Variants in SGCZ observed in about 807,000 individuals in gnomAD.
SGCZ encodes the protein zeta-sarcoglycan.
A neutral mutation model predicts 41.3 loss-of-function variants in SGCZ; 40 were observed. That is an observed-to-expected ratio of 0.97 (90% CI 0.75 to 1.26). SGCZ has a LOEUF of 1.26. Ranked by LOEUF, SGCZ falls within the 50% of genes most tolerant of loss-of-function variation. The pLI is 0.00. For missense variants in SGCZ, 552 were observed against 369.8 expected, an observed-to-expected ratio of 1.49 and a Z score of -4.04; for synonymous variants, 206 against 137.5, an observed-to-expected ratio of 1.50 and a Z score of -3.49.
At position 14,260,524 on chromosome 8, in the gene SGCZ, TG is replaced by T. The variant is rs541612842; in HGVS notation, c.337-22846del. 4.1e-3 allele frequency among the ~76,000 whole-genome samples: 598 copies of T among 147,308 alleles called. 3 individuals carry two copies. Among genetic ancestry groups the T allele is most frequent in the Non-Finnish European group, 6.3e-3 (421 of 66,694 alleles). On this transcript the variant is annotated intron_variant, in intron 3 of 7. Coordinates refer to ENST00000382080, the MANE Select transcript of SGCZ (RefSeq NM_139167.4). ...GGACTGTAAACTAGTTCAACCATTG[TG>T]GAAGTCAGTGTGGCGATTCCTCAGG...
chr8:14,447,060 T>G (rs774467743), intron 2 of SGCZ, among the ~76,000 whole-genome samples: 4 of 152,150 alleles, frequency 2.6e-5, no homozygotes, highest in Non-Finnish European at 4.4e-5. Flanking sequence ...AATACCACAT[T>G]TTCCAGAAAA....
At chr8:14,594,332 C>G (rs987536476) in intron 1 of SGCZ, among the ~76,000 whole-genome samples, 47 of 151,734 alleles carry the variant, frequency 3.1e-4, no homozygotes, top group Non-Finnish European at 5.4e-4. Context: ...TGCTACTGGT[C>G]CAGGTACCTA....
chr8:14,745,673 G>T (rs949161577), intron 1 of SGCZ, among the ~76,000 whole-genome samples: 1 of 151,608 alleles, frequency 6.6e-6, no homozygotes, highest in African/African-American at 2.4e-5. Context: ...ATACATATAC[G>T]TATCTATATA....
At chr8:14,263,201 T>C (rs185369555) in intron 3 of SGCZ, among the ~76,000 whole-genome samples, 62 of 152,274 alleles carry the variant, frequency 4.1e-4, no homozygotes, top group African/African-American at 1.4e-3. Context: ...AAAAGTATAG[T>C]AGTTTATGAG....
At chr8:14,138,479 G>C (rs1803269086) in intron 5 of SGCZ, among the ~76,000 whole-genome samples, 1 of 150,520 alleles carries the variant, frequency 6.6e-6, no homozygotes, top group Non-Finnish European at 1.5e-5. Flanking sequence ...CAAAATAAAG[G>C]GATGGAGGAA....
At chr8:14,220,722 G>A (rs1806163573) in intron 4 of SGCZ, among the ~76,000 whole-genome samples, 1 of 152,170 alleles carries the variant, frequency 6.6e-6, no homozygotes, top group African/African-American at 2.4e-5. Context: ...GGGAGGCGGA[G>A]CTTGCAGTGA....
intron 3 of SGCZ, among the ~76,000 whole-genome samples, chr8:14,294,713 A>C: frequency 6.6e-6 from 1 of 152,108 alleles, no homozygotes; most frequent in Non-Finnish European, 1.5e-5. Flanking sequence ...AAATGTCAAA[A>C]CTCAATAATA....
chr8:15,180,062 G>A (rs917305292), intron 1 of SGCZ, among the ~76,000 whole-genome samples: 2 of 152,090 alleles, frequency 1.3e-5, no homozygotes, highest in Admixed American at 6.5e-5. Context: ...ATTACAGAAG[G>A]TTGCTTTTCT....
chr8:14,100,000 T>G (rs1801963257), intron 7 of SGCZ, among the ~76,000 whole-genome samples: 1 of 152,156 alleles, frequency 6.6e-6, no homozygotes, highest in East Asian at 1.9e-4. Flanking sequence ...TGATACTAAG[T>G]AGTTTAAAAA....
chr8:15,167,044 AT>A (rs933439573), intron 1 of SGCZ, among the ~76,000 whole-genome samples: 1 of 152,068 alleles, frequency 6.6e-6, no homozygotes, highest in African/African-American at 2.4e-5. Flanking sequence ...AAGGAAACTT[AT>A]TTTTTAACTA....
rs796549510 is a variant in SGCZ, at chr8:14,087,653, G to T, written c.*2790C>A. Among the ~76,000 whole-genome samples the T allele has an allele frequency of 5.9e-5, 9 of 151,350 alleles. No homozygotes were observed. Among genetic ancestry groups the T allele is most frequent in the Non-Finnish European group, 1.2e-4 (8 of 67,690 alleles). On this transcript the variant is annotated 3_prime_UTR_variant, in exon 8 of 8. Coordinates refer to ENST00000382080, the MANE Select transcript of SGCZ (RefSeq NM_139167.4). Reference sequence around the variant, plus strand: ...TTATTTATACATATTGTAACATAAAGATGGTACTGGGAAAACATAATCTGT... The same window carrying T: ...TTATTTATACATATTGTAACATAAATATGGTACTGGGAAAACATAATCTGT...
intron 1 of SGCZ, among the ~76,000 whole-genome samples, chr8:14,662,584 C>T (rs190973752): frequency 1.2e-3 from 190 of 152,248 alleles, no homozygotes; most frequent in African/African-American, 4.3e-3. Context: ...GTTGTTTAAC[C>T]TGACTGGGTC....
At chr8:14,883,489 TAA>T (rs2130727897) in intron 1 of SGCZ, among the ~76,000 whole-genome samples, 1 of 152,224 alleles carries the variant, frequency 6.6e-6, no homozygotes, top group South Asian at 2.1e-4. Context: ...GAAAAAAAAC[TAA>T]GAGTTACTGA....
At chr8:14,647,177 A>G (rs1032659900) in intron 1 of SGCZ, among the ~76,000 whole-genome samples, 5 of 152,042 alleles carry the variant, frequency 3.3e-5, no homozygotes, top group Admixed American at 2.0e-4. Flanking sequence ...TTTAGTACAG[A>G]TACAACTAAT....
chr8:15,210,024 G>T (rs1454309923), intron 1 of SGCZ, among the ~76,000 whole-genome samples: 1 of 152,080 alleles, frequency 6.6e-6, no homozygotes, highest in Non-Finnish European at 1.5e-5. Context: ...CAGGTAATGT[G>T]TTTCGAAAAC....
intron 1 of SGCZ, among the ~76,000 whole-genome samples, chr8:14,970,498 T>C (rs995296586): frequency 1.3e-5 from 2 of 152,168 alleles, no homozygotes; most frequent in Non-Finnish European, 2.9e-5. Context: ...TATTTTTATA[T>C]AGTATGAAGT....
intron 3 of SGCZ, among the ~76,000 whole-genome samples, chr8:14,289,096 G>T (rs558685612): frequency 6.6e-6 from 1 of 151,960 alleles, no homozygotes; most frequent in East Asian, 1.9e-4. Flanking sequence ...GTGTATTCAC[G>T]TTATTTGTAC....
chr8:14,189,425 T>C (rs753509995), intron 4 of SGCZ, among the ~76,000 whole-genome samples: 7 of 152,222 alleles, frequency 4.6e-5, no homozygotes, highest in Non-Finnish European at 8.8e-5. Context: ...CTTGCTTCTC[T>C]TTCAGTACTC....
intron 1 of SGCZ, among the ~76,000 whole-genome samples, chr8:15,014,966 C>G (rs753512838): frequency 1.3e-5 from 2 of 152,218 alleles, no homozygotes; most frequent in Non-Finnish European, 2.9e-5. Context: ...AAAAAGGCGA[C>G]CAGCATGGTG....
Sources: allele counts gnomAD v4.1 joint callset (sites outside exome capture counted in the v4.1 genomes callset), GRCh38; gene constraint gnomAD v4.1.1; transcripts MANE v1.5; gene names NCBI Gene and HGNC (gene_info 2026-07-23, HGNC 2026-07-21).